The following OPHN1 variants were observed in gnomAD, a reference collection of about 807,000 sequenced individuals.
The protein encoded by OPHN1 is oligophrenin-1.
In OPHN1, 11 loss-of-function variants were observed where a neutral mutation model predicts 60.7. The ratio of observed to expected loss-of-function variants is 0.18; its 90% confidence interval spans 0.11 to 0.30. The LOEUF (loss-of-function observed/expected upper bound fraction) is 0.30, where lower values mean the gene tolerates loss of function less well. Ranked by LOEUF, OPHN1 falls within the 10% of genes least tolerant of loss-of-function variation. The probability of loss-of-function intolerance (pLI) is 1.00; values close to 1 mark genes in which losing one functional copy is unlikely to be tolerated. For missense variants in OPHN1, 449 were observed against 611.0 expected, an observed-to-expected ratio of 0.73 and a Z score of 2.80; for synonymous variants, 226 against 222.6, an observed-to-expected ratio of 1.02 and a Z score of -0.14.
chrX:68,159,343 A>G (rs1426318311), intron 15 of OPHN1, among the ~76,000 whole-genome samples: 1 of 111,682 alleles, frequency 9.0e-6, no homozygotes, highest in Non-Finnish European at 1.9e-5. Flanking sequence ...AGCATGAAAC[A>G]CTGGCCTCAA....
intron 15 of OPHN1, among the ~76,000 whole-genome samples, chrX:68,156,734 C>T (rs1318344740): frequency 9.0e-6 from 1 of 111,386 alleles, no homozygotes; most frequent in Non-Finnish European, 1.9e-5. Context: ...CATTTTATTG[C>T]AAAAACAATA....
intron 2 of OPHN1, among the ~76,000 whole-genome samples, chrX:68,364,296 T>C (rs1226168695): frequency 8.9e-6 from 1 of 112,149 alleles, no homozygotes; most frequent in Non-Finnish European, 1.9e-5. Context: ...ATTTTAAACT[T>C]CCTTTGGAAT....
intron 15 of OPHN1, among the ~76,000 whole-genome samples, chrX:68,133,869 AATTATGGTTAAAAAC>A (rs1186062614): frequency 9.0e-6 from 1 of 111,278 alleles, no homozygotes; most frequent in Non-Finnish European, 1.9e-5. Flanking sequence ...GATTCATGAC[AATTATGGTTAAAAAC>A]ATTTGCTTGG....
chrX:68,066,216 A>C (rs1194881631), intron 20 of OPHN1, among the ~76,000 whole-genome samples: 2 of 112,133 alleles, frequency 1.8e-5, no homozygotes, highest in African/African-American at 6.5e-5. Flanking sequence ...TGGTGACATA[A>C]ATTCTTTCCC....
At chrX:68,097,876 C>T (rs1266463950) in intron 18 of OPHN1, among the ~76,000 whole-genome samples, 1 of 111,088 alleles carries the variant, frequency 9.0e-6, no homozygotes, top group East Asian at 2.9e-4. Flanking sequence ...GGGAAAATAG[C>T]ACCCACTTCA....
In OPHN1 at chrX:68,304,221, T is replaced by G. The variant is rs779701932; in HGVS notation, c.155-5125A>C. ...CAAATATGTATCAAATAAAAATGTTTATCAATCTTTTATAAAATAAATGAC... is the reference window on the plus strand; with the variant it reads ...CAAATATGTATCAAATAAAAATGTTGATCAATCTTTTATAAAATAAATGAC... On this transcript the variant is annotated intron_variant, in intron 2 of 24. Transcript: ENST00000355520. Among the ~76,000 whole-genome samples, 5 of 111,500 alleles carry G rather than the reference T, an allele frequency of 4.5e-5. No homozygotes were observed. In the East Asian group the frequency reaches 1.4e-3, roughly 31 times the overall value.
chrX:68,339,086 AAATAT>A (rs1410315303), intron 2 of OPHN1, among the ~76,000 whole-genome samples: 9 of 101,887 alleles, frequency 8.8e-5, no homozygotes, highest in Non-Finnish European at 1.4e-4. Flanking sequence ...TGAAAAAAAA[AAATAT>A]ATATATATAT....
At chrX:68,085,112 T>C (rs180753830) in intron 19 of OPHN1, among the ~76,000 whole-genome samples, 22 of 112,255 alleles carry the variant, frequency 2.0e-4, no homozygotes, top group Admixed American at 1.3e-3. Flanking sequence ...ACTTCAAAAC[T>C]CTTTTTTAAC....
intron 4 of OPHN1, among the ~76,000 whole-genome samples, chrX:68,276,160 C>T (rs140488081): frequency 0.028 from 3,089 of 111,691 alleles, 51 homozygotes; most frequent in Non-Finnish European, 0.038. Context: ...TCATGAAACC[C>T]TTCCCAAAGT....
intron 2 of OPHN1, among the ~76,000 whole-genome samples, chrX:68,333,584 G>A (rs1441593661): frequency 9.0e-6 from 1 of 110,706 alleles, no homozygotes. Context: ...GCTGTGAGCT[G>A]AAATCGCACT....
chrX:68,132,739 CAAAAAAAA>C (rs60182364), intron 15 of OPHN1: 1 of 86,722 alleles, frequency 1.2e-5, no homozygotes, highest in Admixed American at 1.4e-4. Flanking sequence ...TACTAAGTGT[CAAAAAAAA>C]AAAAAAAAGA....
intron 15 of OPHN1, among the ~76,000 whole-genome samples, chrX:68,176,967 T>C (rs2077416927): frequency 5.3e-5 from 4 of 75,702 alleles, no homozygotes; most frequent in Admixed American, 3.9e-4. Context: ...ATTGTTTTTA[T>C]ATATACATAT....
chrX:68,343,891 A>G (rs1164075785), intron 2 of OPHN1, among the ~76,000 whole-genome samples: 1 of 111,762 alleles, frequency 8.9e-6, no homozygotes, highest in Non-Finnish European at 1.9e-5. Context: ...CCTCAACCCA[A>G]TGCAACTACT....
At chrX:68,144,606 G>A (rs1191893330) in intron 15 of OPHN1, among the ~76,000 whole-genome samples, 3 of 111,759 alleles carry the variant, frequency 2.7e-5, no homozygotes, top group African/African-American at 9.7e-5. Context: ...GGAACACAGG[G>A]TGAAACTCCA....
In OPHN1 at chrX:68,212,457, C is replaced by T. The variant is rs2363433; in HGVS notation, c.598-245G>A. Among the ~76,000 whole-genome samples, 65,918 of 109,987 alleles carry T rather than the reference C, an allele frequency of 0.6. 17,025 individuals carry two copies. The highest frequency in any genetic ancestry group is 0.87 in the East Asian group (2,994 of 3,455). On this transcript the variant is annotated intron_variant, in intron 7 of 24. Transcript: ENST00000355520. ...AAAATTAGCTGGCCGTGGTGGCGCACGCCTGTAATCCCAGCTACTTGGGAG... is the reference window on the plus strand; with the variant it reads ...AAAATTAGCTGGCCGTGGTGGCGCATGCCTGTAATCCCAGCTACTTGGGAG...
chrX:68,184,965 C>G (rs924302561), intron 15 of OPHN1, among the ~76,000 whole-genome samples: 13 of 112,324 alleles, frequency 1.2e-4, no homozygotes, highest in African/African-American at 1.6e-4. Context: ...AAGGCAACAA[C>G]AAGAAGAAAT....
At chrX:68,348,119 A>T (rs1041785121) in intron 2 of OPHN1, among the ~76,000 whole-genome samples, 4 of 111,958 alleles carry the variant, frequency 3.6e-5, no homozygotes, top group Non-Finnish European at 5.6e-5. Flanking sequence ...GAAAATGACA[A>T]GGGAGGACTA....
intron 15 of OPHN1, among the ~76,000 whole-genome samples, chrX:68,153,413 G>A (rs968375300): frequency 6.3e-5 from 7 of 110,808 alleles, no homozygotes; most frequent in Non-Finnish European, 1.1e-4. Flanking sequence ...CTGAAAATAG[G>A]AGAAATGACT....
chrX:68,351,790 G>T (rs1005356155), intron 2 of OPHN1, among the ~76,000 whole-genome samples: 39 of 110,167 alleles, frequency 3.5e-4, no homozygotes, highest in Admixed American at 8.7e-4. Flanking sequence ...TCCGCCTCCC[G>T]GGTTCACACC....
Sources: allele counts gnomAD v4.1 joint callset (sites outside exome capture counted in the v4.1 genomes callset), GRCh38; gene constraint gnomAD v4.1.1; transcripts MANE v1.5; gene names NCBI Gene and HGNC (gene_info 2026-07-23, HGNC 2026-07-21).